Variants in RAP1A observed in about 807,000 individuals in gnomAD.
The protein encoded by RAP1A is RAP1A, member of RAS oncogene family.
Under a neutral mutation model 26.4 loss-of-function variants are expected in RAP1A, and 6 were observed. The observed-to-expected ratio is 0.23, with a 90% confidence interval of 0.12 to 0.45. The LOEUF (loss-of-function observed/expected upper bound fraction) is 0.45, where lower values mean the gene tolerates loss of function less well. Among genes scored for constraint, RAP1A ranks in the 20% least tolerant of loss-of-function variants. The pLI, the probability that RAP1A is intolerant of heterozygous loss-of-function variation, is 0.99. For synonymous variants in RAP1A, 73 were observed against 79.4 expected, an observed-to-expected ratio of 0.92 and a Z score of 0.43; for missense variants, 121 against 217.2, an observed-to-expected ratio of 0.56 and a Z score of 2.78.
At chr1:111,704,168 T>C (rs1264402615) in intron 5 of RAP1A, among the ~76,000 whole-genome samples, 175 bp from the exon 6 acceptor site, 2 of 150,150 alleles carry the variant, frequency 1.3e-5, no homozygotes, top group East Asian at 1.9e-4. Flanking sequence ...TTTTTTTGTC[T>C]CTTCCTTCTT....
exon 1 of RAP1A, chr1:111,542,468 A>T (rs1387402310): frequency 2.1e-5 from 4 of 191,334 alleles, no homozygotes; most frequent in Non-Finnish European, 4.4e-5. Context: ...GCCGTGTAGG[A>T]GTTGGAGGAG....
At chr1:111,646,399 C>A (rs1660064260) in intron 1 of RAP1A, among the ~76,000 whole-genome samples, 1 of 141,656 alleles carries the variant, frequency 7.1e-6, no homozygotes, top group African/African-American at 2.7e-5. Context: ...TCTTTAAATT[C>A]TCTGTCAGTT....
rs61788213 is a variant in RAP1A, at chr1:111,567,346, T to A, written c.-28+24837T>A. Among the ~76,000 whole-genome samples the A allele has an allele frequency of 4.9e-3, 740 of 152,294 alleles. 8 individuals are homozygous for A. Among genetic ancestry groups the A allele is most frequent in the Non-Finnish European group, 9.0e-3 (612 of 68,010 alleles). ...CACTAGGTAGAAAATAGGTTTTGGA[T>A]AATATTTTGTGCCCCATGAAGCTGG... On this transcript the variant is annotated intron_variant, in intron 1 of 7. Coordinates refer to the RAP1A transcript ENST00000356415.
intron 1 of RAP1A, among the ~76,000 whole-genome samples, chr1:111,654,908 G>A (rs530173): frequency 0.48 from 71,783 of 151,046 alleles, 17,308 homozygotes; most frequent in African/African-American, 0.55. Flanking sequence ...GGTGGCTCAC[G>A]CCTGTAATCT....
intron 1 of RAP1A, among the ~76,000 whole-genome samples, chr1:111,625,912 G>A (rs1418821222): frequency 6.6e-6 from 1 of 152,056 alleles, no homozygotes; most frequent in African/African-American, 2.4e-5. Flanking sequence ...GAGTAGCTGG[G>A]ACTACAGGCG....
At chr1:111,674,414 C>T (rs981838935) in intron 1 of RAP1A, among the ~76,000 whole-genome samples, 1 of 152,098 alleles carries the variant, frequency 6.6e-6, no homozygotes, top group Non-Finnish European at 1.5e-5. Context: ...AAGGCTCACC[C>T]AGTTCTTACC....
At chr1:111,628,253 T>C (rs1341326328) in intron 1 of RAP1A, among the ~76,000 whole-genome samples, 2 of 152,196 alleles carry the variant, frequency 1.3e-5, no homozygotes, top group Non-Finnish European at 2.9e-5. Context: ...ATTTTTGTGT[T>C]TCTGTTTACA....
At chr1:111,686,372 C>T (rs79482292) in intron 1 of RAP1A, among the ~76,000 whole-genome samples, 3,592 of 152,180 alleles carry the variant, frequency 0.024, 120 homozygotes, top group African/African-American at 0.083. Flanking sequence ...GCCGAGGCGT[C>T]TTGAGCCTTA....
At chr1:111,664,567 T>C (rs1231057328) in intron 1 of RAP1A, among the ~76,000 whole-genome samples, 1 of 152,062 alleles carries the variant, frequency 6.6e-6, no homozygotes, top group African/African-American at 2.4e-5. Context: ...ACATTCTGTC[T>C]ACCTACACCC....
chr1:111,564,254 T>G (rs540582319), intron 1 of RAP1A, among the ~76,000 whole-genome samples: 1 of 152,204 alleles, frequency 6.6e-6, no homozygotes, highest in Non-Finnish European at 1.5e-5. Context: ...GAGTACCTTA[T>G]TGCCTTTTCC....
intron 1 of RAP1A, among the ~76,000 whole-genome samples, chr1:111,665,166 T>A (rs1660764288): frequency 6.6e-6 from 1 of 152,216 alleles, no homozygotes; most frequent in Admixed American, 6.5e-5. Flanking sequence ...GGTTTTACTT[T>A]CCCTTCAAGG....
chr1:111,651,689 C>G (rs750032928), intron 1 of RAP1A, among the ~76,000 whole-genome samples: 110 of 151,812 alleles, frequency 7.2e-4, no homozygotes, highest in Non-Finnish European at 5.9e-4. Flanking sequence ...GTTGGCCAGG[C>G]TGGTCTTGAA....
At chr1:111,600,414 T>C (rs955096061) in intron 1 of RAP1A, among the ~76,000 whole-genome samples, 1 of 152,246 alleles carries the variant, frequency 6.6e-6, no homozygotes, top group African/African-American at 2.4e-5. Flanking sequence ...TGGATATTCT[T>C]CTGCCTGTGA....
chr1:111,624,520 C>T (rs1235806302), intron 1 of RAP1A, among the ~76,000 whole-genome samples: 1 of 152,178 alleles, frequency 6.6e-6, no homozygotes, highest in Non-Finnish European at 1.5e-5. Context: ...CACTTTGTTT[C>T]AAAGTTAAAT....
At chr1:111,573,941 G>A (rs939791738) in intron 1 of RAP1A, among the ~76,000 whole-genome samples, 4 of 151,988 alleles carry the variant, frequency 2.6e-5, no homozygotes, top group Non-Finnish European at 5.9e-5. Context: ...CTTTTGCTGT[G>A]CAGAAGCTCT....
intron 1 of RAP1A, among the ~76,000 whole-genome samples, chr1:111,603,633 C>T (rs6671167): frequency 0.32 from 48,037 of 152,106 alleles, 7,897 homozygotes; most frequent in East Asian, 0.46. Flanking sequence ...TCTTCTCTCC[C>T]TTCCCAAGTT....
chr1:111,559,914 C>G (rs1657659687), intron 1 of RAP1A, among the ~76,000 whole-genome samples: 1 of 152,186 alleles, frequency 6.6e-6, no homozygotes, highest in Non-Finnish European at 1.5e-5. Flanking sequence ...ATTTCTGCAA[C>G]TCTGAACAGT....
intron 1 of RAP1A, among the ~76,000 whole-genome samples, chr1:111,552,943 A>C (rs745559201): frequency 3.3e-5 from 5 of 152,232 alleles, no homozygotes; most frequent in Non-Finnish European, 7.3e-5. Flanking sequence ...TTAAAGCTAA[A>C]TTTATTAAGA....
At chr1:111,641,550 A>C (rs992051953) in intron 1 of RAP1A, among the ~76,000 whole-genome samples, 6 of 152,054 alleles carry the variant, frequency 3.9e-5, no homozygotes, top group Non-Finnish European at 7.4e-5. Context: ...TCAGAGTTCA[A>C]ATATGGTTTG....
Sources: gnomAD v4.1 joint callset for allele counts (sites outside exome capture counted in the v4.1 genomes callset) on GRCh38, gnomAD v4.1.1 for gene constraint, MANE v1.5 for transcripts, NCBI Gene and HGNC (gene_info 2026-07-23, HGNC 2026-07-21) for gene names.